Variants in DLG3 observed in about 807,000 individuals in gnomAD.
DLG3 encodes the protein disks large homolog 3.
In DLG3, 1 loss-of-function variant was observed where a neutral mutation model predicts 64.1. The observed-to-expected ratio is 0.02, with a 90% CI of 0.01 to 0.07. DLG3 has a LOEUF of 0.07. DLG3 is among the 10% of genes least tolerant of loss of function. The pLI is 1.00. For synonymous variants in DLG3, 245 were observed against 259.8 expected, an observed-to-expected ratio of 0.94 and a Z score of 0.55; for missense variants, 429 against 669.5, an observed-to-expected ratio of 0.64 and a Z score of 3.96.
At chrX:70,479,077 C>A in intron 9 of DLG3, 73 bp from the exon 10 acceptor site, 1 of 991,935 alleles carries the variant, frequency 1.0e-6, no homozygotes, top group Non-Finnish European at 1.4e-6. Context: ...GGCTTTTTGG[C>A]TGCTGGCATG....
At chrX:70,471,107 G>C (rs1471522053) in intron 9 of DLG3, among the ~76,000 whole-genome samples, 1 of 110,177 alleles carries the variant, frequency 9.1e-6, no homozygotes, top group Non-Finnish European at 1.9e-5. Context: ...TCTATATCCA[G>C]TTGGCACATT....
rs756067925 is a variant in DLG3 at position 70,445,129 on chromosome X, C to T, written c.-73C>T. On this transcript the variant is annotated 5_prime_UTR_variant, in exon 1 of 19. Transcript: ENST00000374360. ...CCAGGGAGCCCGGCGGCGGCGGCGG[C>T]GGTGGTGGCGGCGGTGGCGGCGGCG... 647 of 740,559 alleles carry T rather than the reference C, an allele frequency of 8.7e-4. No individual in the cohort carries two copies. The highest frequency in any genetic ancestry group is 9.7e-4 in the Non-Finnish European group (520 of 538,658). 61.0% of individuals were successfully genotyped at this position (740,559 alleles called of 1,213,427 possible). A position where few individuals can be genotyped will look rare whatever the true frequency, so the allele number is the denominator to read the frequency against.
intron 10 of DLG3, among the ~76,000 whole-genome samples, chrX:70,488,335 A>C (rs2087295232): frequency 2.7e-5 from 3 of 111,992 alleles, no homozygotes; most frequent in African/African-American, 9.7e-5. Flanking sequence ...TTGAAAAAGC[A>C]CATGTGACTG....
chrX:70,491,889 A>C (rs2087366074), intron 10 of DLG3, among the ~76,000 whole-genome samples: 1 of 111,731 alleles, frequency 9.0e-6, no homozygotes, highest in African/African-American at 3.3e-5. Context: ...ATTTTCTCTT[A>C]TGCTTCTTAT....
At chrX:70,466,296 G>GTGT (rs2086886430) in intron 9 of DLG3, among the ~76,000 whole-genome samples, 3 of 86,631 alleles carry the variant, frequency 3.5e-5, no homozygotes, top group African/African-American at 1.3e-4. Flanking sequence ...TGTGTGTGTG[G>GTGT]ATTGCCTGTT....
rs1253487870 is a variant in DLG3 at position 70,445,326 on chromosome X, G to C, written c.125G>C (p.Gly42Ala). The stretch of plus-strand genomic sequence containing the variant: ...CAAGTCCCCGACCCTTACGGGCCAG[G>C]TGGGGGCAACGGCGCCAGCGCGGGT... ...DWQVPDPYGP[G>A]GGNGASAGYG... is the part of the protein sequence containing the mutation. Residue 42 changes from glycine to alanine, a missense_variant, in exon 1 of 19, where the codon GGT becomes GCT. By Grantham distance (60) the Gly-to-Ala change is moderately conservative. Transcript: ENST00000374360. 8.6e-7 allele frequency: 1 copy of C among 1,167,319 alleles called. No homozygotes were observed. Among genetic ancestry groups the C allele is most frequent in the South Asian group, 1.9e-5 (1 of 52,967 alleles).
At chrX:70,482,662 G>GTTTTTTTTTTTT (rs774419870) in intron 10 of DLG3, among the ~76,000 whole-genome samples, 925 of 66,009 alleles carry the variant, frequency 0.014, 82 homozygotes, top group Non-Finnish European at 0.021. Context: ...CATGTGTGGT[G>GTTTTTTTTTTTT]TTTTTTTTTT....
intron 1 of DLG3, 145 bp downstream of exon 1, chrX:70,445,703 C>T (rs989938816): frequency 4.0e-5 from 22 of 554,733 alleles, no homozygotes; most frequent in African/African-American, 2.1e-4. Flanking sequence ...CAAAGAGAGG[C>T]GGTGGGAAAT....
chrX:70,453,073 C>T, intron 7 of DLG3: 1 of 223,671 alleles, frequency 4.5e-6, no homozygotes, highest in African/African-American at 2.8e-5. Flanking sequence ...GGCGCTGCAA[C>T]CCCCTGGGGC....
chrX:70,492,806 G>T (rs1237388595), intron 12 of DLG3, among the ~76,000 whole-genome samples: 1 of 112,206 alleles, frequency 8.9e-6, no homozygotes, highest in African/African-American at 3.2e-5. Flanking sequence ...TTTCCCCTGG[G>T]TACCGGCTCT....
chrX:70,483,691 G>T (rs1268298915), intron 10 of DLG3, among the ~76,000 whole-genome samples: 3 of 112,648 alleles, frequency 2.7e-5, no homozygotes, highest in African/African-American at 9.7e-5. Flanking sequence ...ACTAACCACA[G>T]GGGACGTGGG....
chrX:70,447,444 G>C (rs978029600), intron 1 of DLG3, among the ~76,000 whole-genome samples: 1 of 112,556 alleles, frequency 8.9e-6, no homozygotes, highest in African/African-American at 3.2e-5. Context: ...TAAGGCTGTA[G>C]CTGGAGTCCT....
In DLG3 at chrX:70,501,409, C is replaced by CTGTGTGTG. The variant is rs796396273; in HGVS notation, c.2347+423_2347+424insGTGTGTGT. On this transcript the variant is annotated intron_variant, in intron 18 of 18. Coordinates refer to ENST00000374360, the MANE Select transcript of DLG3 (RefSeq NM_021120.4). Reference sequence around the variant, plus strand: ...GTTGTCTGTTGGGGTGTCTGTCTGTCTGTCTGTGTGTGTGTGTGTGTGTGT... The same window carrying CTGTGTGTG: ...GTTGTCTGTTGGGGTGTCTGTCTGTCTGTGTGTGTGTCTGTGTGTGTGTGTGTGTGTGT... Among the ~76,000 whole-genome samples the CTGTGTGTG allele has an allele frequency of 8.5e-3, 637 of 75,138 alleles. 5 individuals are homozygous for CTGTGTGTG. Among genetic ancestry groups the CTGTGTGTG allele is most frequent in the East Asian group, 0.036 (116 of 3,196 alleles). 65.2% of individuals were successfully genotyped at this position (75,138 alleles called of 115,157 possible). A position where few individuals can be genotyped will look rare whatever the true frequency, so the allele number is the denominator to read the frequency against.
rs45495793 is a variant in DLG3 at position 70,452,493 on chromosome X, C to T, written c.1145+467C>T. ...GGCAGCGGCGGCGGCAGCGGCTGCG[C>T]GGGGCCTGGAACTGGTCGGGCCGGC... On this transcript the variant is annotated intron_variant, in intron 7 of 18. Transcript: ENST00000374360. 7,301 of 1,008,051 alleles carry T rather than the reference C, an allele frequency of 7.2e-3. 26 individuals carry two copies. Among genetic ancestry groups the T allele is most frequent in the Non-Finnish European group, 8.4e-3 (6,723 of 797,249 alleles). 83.1% of individuals were successfully genotyped at this position (1,008,051 alleles called of 1,213,427 possible). A position where few individuals can be genotyped will look rare whatever the true frequency, so the allele number is the denominator to read the frequency against.
intron 9 of DLG3, among the ~76,000 whole-genome samples, chrX:70,460,530 A>G (rs1172963415): frequency 8.9e-6 from 1 of 112,329 alleles, no homozygotes; most frequent in Non-Finnish European, 1.9e-5. Flanking sequence ...AGGCTTAAGG[A>G]TATTAATGGA....
At chrX:70,493,687 G>C (rs917263439) in intron 12 of DLG3, among the ~76,000 whole-genome samples, 1 of 113,076 alleles carries the variant, frequency 8.8e-6, no homozygotes, top group African/African-American at 3.2e-5. Context: ...CAGTTAGAAT[G>C]AATGTTGGAG....
chrX:70,487,419 A>G (rs2087272525), intron 10 of DLG3, among the ~76,000 whole-genome samples: 1 of 111,674 alleles, frequency 9.0e-6, no homozygotes, highest in South Asian at 3.8e-4. Flanking sequence ...TTGAAATCCT[A>G]AATCTTCATT....
chrX:70,470,863 G>A (rs2086957802), intron 9 of DLG3, among the ~76,000 whole-genome samples: 1 of 111,753 alleles, frequency 8.9e-6, no homozygotes, highest in Non-Finnish European at 1.9e-5. Flanking sequence ...TGTCCAGTTC[G>A]CAATAGGGAA....
intron 10 of DLG3, among the ~76,000 whole-genome samples, chrX:70,484,255 T>C (rs1256643362): frequency 8.9e-6 from 1 of 111,796 alleles, no homozygotes; most frequent in Non-Finnish European, 1.9e-5. Context: ...GCCTCCTGAC[T>C]GGCCATCTGC....
Sources: gnomAD v4.1 joint callset for allele counts (sites outside exome capture counted in the v4.1 genomes callset) on GRCh38, gnomAD v4.1.1 for gene constraint, MANE v1.5 for transcripts, NCBI Gene and HGNC (gene_info 2026-07-23, HGNC 2026-07-21) for gene names.